The following NEDD4 variants were observed in gnomAD, a reference collection of about 807,000 sequenced individuals.
NEDD4 encodes the protein E3 ubiquitin-protein ligase NEDD4.
A neutral mutation model predicts 144.9 loss-of-function variants in NEDD4; 99 were observed. The observed-to-expected ratio is 0.68, with a 90% CI of 0.58 to 0.81. The LOEUF is 0.81. Among genes scored for constraint, NEDD4 ranks in the 30% least tolerant of loss-of-function variants. The pLI is 0.00. For missense variants in NEDD4, 985 were observed against 1,065.9 expected (o/e 0.92, Z 1.06); for synonymous variants, 318 against 350.6 (o/e 0.91, Z 1.04).
chr15:55,866,636 GAA>G (rs1430295912), intron 8 of NEDD4, among the ~76,000 whole-genome samples: 14 of 152,176 alleles, frequency 9.2e-5, no homozygotes, highest in African/African-American at 3.4e-4. Context: ...GGTAGCAAAA[GAA>G]TATTTCTTTT....
chr15:55,852,743 T>TGAGA (rs150677409), intron 12 of NEDD4, among the ~76,000 whole-genome samples, 200 bp from the exon 13 acceptor site: 9 of 139,522 alleles, frequency 6.5e-5, no homozygotes, highest in Non-Finnish European at 9.2e-5. Flanking sequence ...TCTGAGAGAG[T>TGAGA]GAGAGAGAGA....
intron 2 of NEDD4, among the ~76,000 whole-genome samples, chr15:55,958,119 A>C (rs998308978): frequency 6.7e-6 from 1 of 149,724 alleles, no homozygotes; most frequent in Admixed American, 6.7e-5. Flanking sequence ...AACGTATAAT[A>C]AAAAAAAGAT....
intron 12 of NEDD4, among the ~76,000 whole-genome samples, chr15:55,853,956 C>T (rs777966772): frequency 9.2e-5 from 14 of 152,150 alleles, no homozygotes; most frequent in Non-Finnish European, 1.8e-4. Flanking sequence ...CACCATTGCA[C>T]TCTAGCCTGG....
intron 9 of NEDD4, among the ~76,000 whole-genome samples, chr15:55,862,014 A>G (rs1217459662): frequency 1.3e-5 from 2 of 152,136 alleles, no homozygotes; most frequent in Non-Finnish European, 2.9e-5. Context: ...GGCTTGCCAT[A>G]ATACTGAGGT....
rs143205746 is a variant in NEDD4, at chr15:55,988,640, G to C, written c.45+4871C>G. ...TTATTAGTAACATTTATCAAAATTT[G>C]GATGGTATCTGTGGATTGAATGGCA... On this transcript the variant is annotated intron_variant, in intron 1 of 28. Transcript: ENST00000435532. 1.2e-3 allele frequency among the ~76,000 whole-genome samples: 180 copies of C among 152,196 alleles called. 2 individuals carry two copies. The Middle Eastern group carries it at 0.027, about 23-fold the overall frequency.
intron 18 of NEDD4, among the ~76,000 whole-genome samples, chr15:55,845,357 A>T (rs1239939755): frequency 6.6e-6 from 1 of 152,148 alleles, no homozygotes; most frequent in Non-Finnish European, 1.5e-5. Context: ...ATGGGACTTG[A>T]TCACATTACC....
At chr15:55,972,827 G>A (rs1363695667) in intron 1 of NEDD4, among the ~76,000 whole-genome samples, 1 of 151,858 alleles carries the variant, frequency 6.6e-6, no homozygotes, top group Non-Finnish European at 1.5e-5. Flanking sequence ...ACCAAAAAGA[G>A]CAGGAATAGC....
chr15:55,843,188 C>G (rs2141989151), intron 18 of NEDD4, among the ~76,000 whole-genome samples: 1 of 152,260 alleles, frequency 6.6e-6, no homozygotes, highest in South Asian at 2.1e-4. Context: ...TCCAATAAAC[C>G]TCTTCCTTTT....
chr15:55,885,099 C>G (rs2035337552), intron 5 of NEDD4, among the ~76,000 whole-genome samples: 1 of 152,152 alleles, frequency 6.6e-6, no homozygotes, highest in Non-Finnish European at 1.5e-5. Flanking sequence ...CATCAGGAAG[C>G]AGACTTTTCA....
intron 4 of NEDD4, among the ~76,000 whole-genome samples, chr15:55,926,446 A>T (rs1035250323): frequency 1.3e-5 from 2 of 152,202 alleles, no homozygotes; most frequent in Non-Finnish European, 2.9e-5. Context: ...CATGCCAAAC[A>T]TAAGGCTAGA....
chr15:55,928,007 T>A (rs1370497134), intron 4 of NEDD4, among the ~76,000 whole-genome samples: 2 of 152,114 alleles, frequency 1.3e-5, no homozygotes, highest in Non-Finnish European at 2.9e-5. Context: ...ATAACAGGAT[T>A]CACTACCTCA....
chr15:55,926,783 C>A (rs1464641481), intron 4 of NEDD4, among the ~76,000 whole-genome samples: 3 of 151,732 alleles, frequency 2.0e-5, no homozygotes, highest in Non-Finnish European at 4.4e-5. Flanking sequence ...CCACCACACC[C>A]CCCAAAAAAA....
chr15:55,944,860 A>G lies in NEDD4; in HGVS notation c.237+6516T>C, dbSNP rs112474356. On this transcript the variant is annotated intron_variant, in intron 4 of 28. Coordinates refer to ENST00000435532, the MANE Select transcript of NEDD4 (RefSeq NM_006154.4). ...TCTGCAGCCTCCACTGGTGATACCCAAGCAAACAGGGTCTGGAGTGGACCT... is the reference window on the plus strand; with the variant it reads ...TCTGCAGCCTCCACTGGTGATACCCGAGCAAACAGGGTCTGGAGTGGACCT... 4.6e-5 allele frequency among the ~76,000 whole-genome samples: 7 copies of G among 152,266 alleles called. 1 individual carries two copies. The highest frequency in any genetic ancestry group is 1.7e-4 in the African/African-American group (7 of 41,570).
At chr15:55,898,631 CTTTTTTTTTTTT>C (rs34372143) in intron 5 of NEDD4, among the ~76,000 whole-genome samples, 2 of 108,290 alleles carry the variant, frequency 1.8e-5, no homozygotes, top group Non-Finnish European at 3.7e-5. Context: ...ACAAAAAGAA[CTTTTTTTTTTTT>C]TTTTTTTTTT....
intron 5 of NEDD4, among the ~76,000 whole-genome samples, chr15:55,921,925 C>T (rs2036575358): frequency 6.6e-6 from 1 of 152,182 alleles, no homozygotes; most frequent in Admixed American, 6.5e-5. Flanking sequence ...GTGGAAAGCA[C>T]AAATGTGAGC....
At chr15:55,896,104 C>T (rs2035730353) in intron 5 of NEDD4, among the ~76,000 whole-genome samples, 1 of 152,140 alleles carries the variant, frequency 6.6e-6, no homozygotes, top group African/African-American at 2.4e-5. Context: ...ACAAAAGCCC[C>T]CCAATAGCTG....
At chr15:55,933,738 T>C (rs1273283958) in intron 4 of NEDD4, among the ~76,000 whole-genome samples, 1 of 152,190 alleles carries the variant, frequency 6.6e-6, no homozygotes, top group Non-Finnish European at 1.5e-5. Flanking sequence ...TTGACACTTC[T>C]ACTTGCTGCT....
At chr15:55,840,247 T>C (rs1006613225) in intron 21 of NEDD4, among the ~76,000 whole-genome samples, 200 bp downstream of exon 21, 1 of 151,694 alleles carries the variant, frequency 6.6e-6, no homozygotes, top group Non-Finnish European at 1.5e-5. Flanking sequence ...GTAGTTGATA[T>C]ACAACTGTCC....
At chr15:55,854,362 AT>A (rs1223071047) in intron 12 of NEDD4, among the ~76,000 whole-genome samples, 2 of 152,190 alleles carry the variant, frequency 1.3e-5, no homozygotes, top group Non-Finnish European at 2.9e-5. Context: ...AAAATGATGC[AT>A]TTAAATGCTG....
Sources: gnomAD v4.1 joint callset for allele counts (sites outside exome capture counted in the v4.1 genomes callset) on GRCh38, gnomAD v4.1.1 for gene constraint, MANE v1.5 for transcripts, NCBI Gene and HGNC (gene_info 2026-07-23, HGNC 2026-07-21) for gene names.